IL1RAPL1: variants seen among roughly 807,000 people sequenced by gnomAD.
IL1RAPL1 encodes the protein interleukin-1 receptor accessory protein-like 1.
A neutral mutation model predicts 48.4 loss-of-function variants in IL1RAPL1; 3 were observed. That is an observed-to-expected ratio of 0.06 (90% CI 0.03 to 0.16). The LOEUF is 0.16. Ranked by LOEUF, IL1RAPL1 falls within the 10% of genes least tolerant of loss-of-function variation. The probability of loss-of-function intolerance (pLI) is 1.00; values close to 1 mark genes in which losing one functional copy is unlikely to be tolerated. For missense variants in IL1RAPL1, 349 were observed against 530.6 expected (o/e 0.66, Z 3.36); for synonymous variants, 185 against 187.7 (o/e 0.99, Z 0.12).
intron 2 of IL1RAPL1, among the ~76,000 whole-genome samples, chrX:29,074,349 C>A (rs908931408): frequency 9.0e-6 from 1 of 111,452 alleles, no homozygotes; most frequent in African/African-American, 3.3e-5. Flanking sequence ...CTGCTTCCAA[C>A]ATTGGGAGCA....
chrX:29,652,525 A>G, intron 5 of IL1RAPL1, among the ~76,000 whole-genome samples: 1 of 111,814 alleles, frequency 8.9e-6, no homozygotes, highest in East Asian at 2.8e-4. Flanking sequence ...AATTGGGGAA[A>G]TGGTAAAATG....
chrX:29,890,784 G>A (rs1291713123), intron 6 of IL1RAPL1, among the ~76,000 whole-genome samples: 1 of 111,636 alleles, frequency 9.0e-6, no homozygotes, highest in Non-Finnish European at 1.9e-5. Context: ...ACACTCTCAC[G>A]GCATCTGGGT....
At chrX:28,748,562 A>T (rs1186264194) in intron 1 of IL1RAPL1, among the ~76,000 whole-genome samples, 1 of 112,259 alleles carries the variant, frequency 8.9e-6, no homozygotes, top group Non-Finnish European at 1.9e-5. Flanking sequence ...ATATAAATAT[A>T]AAATGACTGA....
chrX:28,614,871 T>A (rs1406148935), intron 1 of IL1RAPL1, among the ~76,000 whole-genome samples: 1 of 111,268 alleles, frequency 9.0e-6, no homozygotes, highest in Admixed American at 9.6e-5. Context: ...GTGACTTACA[T>A]AAACTGTCGT....
intron 1 of IL1RAPL1, among the ~76,000 whole-genome samples, chrX:28,696,747 A>C (rs1935236156): frequency 9.0e-6 from 1 of 111,662 alleles, no homozygotes; most frequent in Admixed American, 9.5e-5. Flanking sequence ...TAGTCATTGA[A>C]TCTGTCTAAC....
chrX:28,731,526 G>A (rs181262316), intron 1 of IL1RAPL1, among the ~76,000 whole-genome samples: 1 of 111,912 alleles, frequency 8.9e-6, no homozygotes, highest in East Asian at 2.8e-4. Flanking sequence ...TGAATGATGG[G>A]TTAAAAAGCC....
chrX:29,913,449 TAC>T (rs1569201593), intron 6 of IL1RAPL1, among the ~76,000 whole-genome samples: 1 of 104,854 alleles, frequency 9.5e-6, no homozygotes, highest in Non-Finnish European at 2.0e-5. Flanking sequence ...CACATATATA[TAC>T]ATATATATAG....
chrX:29,198,811 T>G (rs1397571109), intron 2 of IL1RAPL1, among the ~76,000 whole-genome samples: 1 of 111,730 alleles, frequency 9.0e-6, no homozygotes, highest in Non-Finnish European at 1.9e-5. Context: ...AATCTCTTGG[T>G]GTGGGATCTG....
At chrX:29,776,175 A>G (rs1601818411) in intron 6 of IL1RAPL1, among the ~76,000 whole-genome samples, 1 of 111,487 alleles carries the variant, frequency 9.0e-6, no homozygotes, top group African/African-American at 3.3e-5. Flanking sequence ...AAGACGCGTC[A>G]GCTTTACATG....
chrX:28,918,360 A>C (rs1266959357), intron 2 of IL1RAPL1, among the ~76,000 whole-genome samples: 3 of 112,424 alleles, frequency 2.7e-5, no homozygotes, highest in Non-Finnish European at 5.6e-5. Flanking sequence ...TGACCCAACC[A>C]ATCAAATAAA....
intron 2 of IL1RAPL1, among the ~76,000 whole-genome samples, chrX:28,936,557 A>G (rs183148397): frequency 2.7e-5 from 3 of 110,509 alleles, no homozygotes; most frequent in Non-Finnish European, 5.7e-5. Flanking sequence ...AACCATTTCT[A>G]TATACTTATG....
chrX:29,081,842 G>A lies in IL1RAPL1; in HGVS notation c.83-201096G>A, dbSNP rs970739427. Among the ~76,000 whole-genome samples the A allele has an allele frequency of 2.7e-5, 3 of 110,124 alleles. No homozygotes were observed. In the Admixed American group the frequency reaches 3.0e-4, roughly 11 times the overall value. ...ATCCATCTATATTATTGCCATGTGAGTAGTGGATCTAGTGTGACATTGCCT... is the reference window on the plus strand; with the variant it reads ...ATCCATCTATATTATTGCCATGTGAATAGTGGATCTAGTGTGACATTGCCT... On this transcript the variant is annotated intron_variant, in intron 2 of 10. Transcript: ENST00000378993.
At chrX:29,528,377 G>A (rs1445221185) in intron 5 of IL1RAPL1, among the ~76,000 whole-genome samples, 4 of 112,379 alleles carry the variant, frequency 3.6e-5, no homozygotes, top group African/African-American at 1.3e-4. Flanking sequence ...AAGTGAAAGC[G>A]AAGTAAAAGA....
rs1178136351 is a variant in IL1RAPL1 at position 29,081,024 on chromosome X, CTTTTCT to C, written c.83-201910_83-201905del. ...TCTCTCTCTCTCTCTCTCTCTCTTT[CTTTTCT>C]TTTCTTTTCTTTTCTTTTCTTTTCT... On this transcript the variant is annotated intron_variant, in intron 2 of 10. Transcript: ENST00000378993. Among the ~76,000 whole-genome samples, 130 of 41,490 alleles carry C rather than the reference CTTTTCT, an allele frequency of 3.1e-3. 2 individuals carry two copies. Among genetic ancestry groups the C allele is most frequent in the Middle Eastern group, 0.014 (1 of 73 alleles). The allele number at this position is 41,490 out of a possible 115,157, so 36.0% of individuals were successfully genotyped here.
chrX:28,929,289 A>G (rs2147342089), intron 2 of IL1RAPL1, among the ~76,000 whole-genome samples: 1 of 112,238 alleles, frequency 8.9e-6, no homozygotes, highest in Non-Finnish European at 1.9e-5. Flanking sequence ...AAAAGGTACA[A>G]TTCAAATACA....
chrX:29,803,541 ATG>A lies in IL1RAPL1; in HGVS notation c.779-113921_779-113920del, dbSNP rs1930167969. On this transcript the variant is annotated intron_variant, in intron 6 of 10. Coordinates refer to ENST00000378993, the MANE Select transcript of IL1RAPL1 (RefSeq NM_014271.4). ...TATATATGTATATATGTATACATAT[ATG>A]TATATGTGTGTATATATGTATATAT... Among the ~76,000 whole-genome samples the A allele has an allele frequency of 4.0e-5, 4 of 99,714 alleles. No homozygotes were observed. In the South Asian group the frequency reaches 1.7e-3, roughly 43 times the overall value. The allele number at this position is 99,714 out of a possible 115,157, so 86.6% of individuals were successfully genotyped here. A position where few individuals can be genotyped will look rare whatever the true frequency, so the allele number is the denominator to read the frequency against.
chrX:28,950,883 C>A (rs1924441109), intron 2 of IL1RAPL1, among the ~76,000 whole-genome samples: 1 of 109,361 alleles, frequency 9.1e-6, no homozygotes, highest in Non-Finnish European at 1.9e-5. Flanking sequence ...ACATGTCCAA[C>A]AGTGATAGAA....
Position 29,285,180 on chromosome X carries a change from A to G in IL1RAPL1, c.362+1963A>G, listed in dbSNP as rs148221872. On this transcript the variant is annotated intron_variant, in intron 3 of 10. Coordinates refer to ENST00000378993, the MANE Select transcript of IL1RAPL1 (RefSeq NM_014271.4). Reference sequence around the variant, plus strand: ...GAATTTTGAAAACACTGAGGTTGCAATTCTCTGATGTATTTAAATATACAC... The same window carrying G: ...GAATTTTGAAAACACTGAGGTTGCAGTTCTCTGATGTATTTAAATATACAC... 7.4e-3 allele frequency among the ~76,000 whole-genome samples: 815 copies of G among 110,843 alleles called. 10 individuals carry two copies. The highest frequency in any genetic ancestry group is 0.023 in the African/African-American group (701 of 30,451).
intron 6 of IL1RAPL1, among the ~76,000 whole-genome samples, chrX:29,790,598 C>T (rs1228685326): frequency 1.8e-5 from 2 of 111,744 alleles, no homozygotes; most frequent in African/African-American, 6.5e-5. Context: ...AAAATTAAAC[C>T]GGATTTTAGA....
Sources: gnomAD v4.1 joint callset for allele counts (sites outside exome capture counted in the v4.1 genomes callset) on GRCh38, gnomAD v4.1.1 for gene constraint, MANE v1.5 for transcripts, NCBI Gene and HGNC (gene_info 2026-07-23, HGNC 2026-07-21) for gene names.